GLOD4: variants seen among roughly 807,000 people sequenced by gnomAD.
GLOD4 encodes glyoxalase domain containing 4, also known as glyoxalase domain-containing protein 4.
Under a neutral mutation model 39.1 loss-of-function variants are expected in GLOD4, and 44 were observed. The ratio of observed to expected loss-of-function variants is 1.13; its 90% CI spans 0.88 to 1.45. GLOD4 has a LOEUF of 1.45. GLOD4 is among the 40% of genes most tolerant of loss of function. The pLI is 0.00. For missense variants in GLOD4, 405 were observed against 366.4 expected (o/e 1.11, Z -0.86); for synonymous variants, 145 against 135.0 (o/e 1.07, Z -0.52).
chr17:765,660 G>A (rs985652844), intron 8 of GLOD4, among the ~76,000 whole-genome samples: 4 of 150,804 alleles, frequency 2.7e-5, no homozygotes, highest in African/African-American at 9.7e-5. Context: ...TAGCCAGGAT[G>A]GTCTCGATCT....
chr17:772,176 G>C (rs1469510077), intron 4 of GLOD4, among the ~76,000 whole-genome samples: 2 of 107,012 alleles, frequency 1.9e-5, no homozygotes, highest in African/African-American at 3.7e-5. Context: ...GTGACAGTGA[G>C]ACCCTATCTC....
chr17:768,831 CGT>C (rs1907312979), intron 8 of GLOD4, among the ~76,000 whole-genome samples: 1 of 128,758 alleles, frequency 7.8e-6, no homozygotes, highest in African/African-American at 3.1e-5. Flanking sequence ...CTGGAGAGGA[CGT>C]GAGAGAGAGA....
At chr17:784,600 A>C (rs1264741620), upstream of GLOD4, among the ~76,000 whole-genome samples, 1 of 152,004 alleles carries the variant, frequency 6.6e-6, no homozygotes, top group Non-Finnish European at 1.5e-5. Context: ...CCCATCTTGA[A>C]CTTCATCATC....
chr17:768,241 C>T lies in GLOD4; in HGVS notation c.831+1628G>A, dbSNP rs1307623217. Among the ~76,000 whole-genome samples, 3 of 149,372 alleles carry T rather than the reference C, an allele frequency of 2.0e-5. No homozygotes were observed. In the East Asian group the frequency reaches 6.1e-4, roughly 30 times the overall value. On this transcript the variant is annotated intron_variant, in intron 8 of 8. Coordinates refer to ENST00000301329, the MANE Select transcript of GLOD4 (RefSeq NM_016080.4). ...GGATGTGTGAGAGAGAAACAGCGCG[C>T]ACTCAGATTTTTAGAAGAAATCTGG...
At chr17:761,802 C>A (rs1905491257) in intron 8 of GLOD4, among the ~76,000 whole-genome samples, 1 of 152,124 alleles carries the variant, frequency 6.6e-6, no homozygotes, top group Non-Finnish European at 1.5e-5. Context: ...TCGCGCCCGG[C>A]TGAACCTAAG....
intron 8 of GLOD4, among the ~76,000 whole-genome samples, chr17:767,437 G>A (rs965228656): frequency 1.2e-4 from 18 of 152,216 alleles, no homozygotes; most frequent in African/African-American, 3.6e-4. Context: ...GTGAAAATGG[G>A]AGGCGAGAAA....
chr17:778,401 G>A (rs1375846801), intron 2 of GLOD4: 2 of 518,622 alleles, frequency 3.9e-6, no homozygotes, highest in Non-Finnish European at 3.4e-6. Context: ...TGGTGTTAGA[G>A]AGCTGGAGAA....
intron 4 of GLOD4, among the ~76,000 whole-genome samples, chr17:772,201 A>AAAC: frequency 6.6e-6 from 1 of 151,136 alleles, no homozygotes; most frequent in East Asian, 1.9e-4. Flanking sequence ...AAAAAAAAAA[A>AAAC]AAAAAAAACA....
chr17:775,591 C>A (rs573522644), intron 4 of GLOD4, among the ~76,000 whole-genome samples, 184 bp downstream of exon 4: 1 of 152,270 alleles, frequency 6.6e-6, no homozygotes, highest in Non-Finnish European at 1.5e-5. Flanking sequence ...GTCTAGATCC[C>A]CTACTGCTAT....
In GLOD4 at chr17:776,449, C is replaced by T. The variant is rs187242736; in HGVS notation, c.261+419G>A. Among the ~76,000 whole-genome samples, 142 of 152,302 alleles carry T rather than the reference C, an allele frequency of 9.3e-4. 2 individuals carry two copies. The highest frequency in any genetic ancestry group is 3.3e-3 in the African/African-American group (139 of 41,554). ...CACTCTGCAGCCAAAGTAAACTTTC[C>T]AAAACGCATCCTATAGTCCACCCCC... On this transcript the variant is annotated intron_variant, in intron 3 of 8. Coordinates refer to ENST00000301329, the MANE Select transcript of GLOD4 (RefSeq NM_016080.4).
At chr17:769,292 G>A (rs1597580447) in intron 8 of GLOD4, among the ~76,000 whole-genome samples, 1 of 142,892 alleles carries the variant, frequency 7.0e-6, no homozygotes, top group South Asian at 2.3e-4. Context: ...TGAGGGGAAC[G>A]GATGGAGGCA....
At chr17:763,618 A>G (rs1429568951) in intron 8 of GLOD4, 1 of 152,190 alleles carries the variant, frequency 6.6e-6, no homozygotes. Context: ...TATTTTTAGT[A>G]TAAATAGAGA....
At chr17:778,562 T>C (rs1909333936) in intron 2 of GLOD4, 133 bp downstream of exon 2, 2 of 721,496 alleles carry the variant, frequency 2.8e-6, no homozygotes, top group Non-Finnish European at 5.1e-6. Flanking sequence ...TTCCCGACGC[T>C]CCTGAAGTTG....
intron 8 of GLOD4, among the ~76,000 whole-genome samples, chr17:768,100 G>A (rs1433805077): frequency 6.7e-6 from 1 of 150,282 alleles, no homozygotes; most frequent in African/African-American, 2.5e-5. Context: ...GAAGAAATCT[G>A]GAGAGGATGT....
chr17:770,640 G>A, intron 5 of GLOD4, 133 bp from the exon 6 acceptor site: 1 of 610,816 alleles, frequency 1.6e-6, no homozygotes, highest in Non-Finnish European at 3.0e-6. Context: ...TCACCCCAGA[G>A]ACAACTAGTC....
intron 8 of GLOD4, among the ~76,000 whole-genome samples, chr17:766,619 G>A (rs1406079119): frequency 6.6e-6 from 1 of 151,498 alleles, no homozygotes; most frequent in Non-Finnish European, 1.5e-5. Context: ...AATAAAATGG[G>A]CCAGGCACAG....
intron 4 of GLOD4, among the ~76,000 whole-genome samples, chr17:774,219 A>G (rs16955445): frequency 0.035 from 5,378 of 152,286 alleles, 157 homozygotes; most frequent in African/African-American, 0.075. Flanking sequence ...ACACTGGAAC[A>G]GACGGATCTT....
At chr17:782,576 T>G (rs201484403), upstream of GLOD4, 1 of 1,614,074 alleles carries the variant, frequency 6.2e-7, no homozygotes, top group East Asian at 2.2e-5. Context: ...CTGAGGCCAG[T>G]GCCCAGGAGC....
At chr17:783,287 C>G (rs1188662677), upstream of GLOD4, 3 of 1,612,948 alleles carry the variant, frequency 1.9e-6, no homozygotes, top group Non-Finnish European at 2.5e-6. Flanking sequence ...TTGAGGATAT[C>G]AAGGATTGGT....
Sources: gnomAD v4.1 joint callset for allele counts (sites outside exome capture counted in the v4.1 genomes callset) on GRCh38, gnomAD v4.1.1 for gene constraint, MANE v1.5 for transcripts, NCBI Gene and HGNC (gene_info 2026-07-23, HGNC 2026-07-21) for gene names.